Variants in EML1 observed in about 807,000 individuals in gnomAD.
EML1 encodes the protein echinoderm microtubule-associated protein-like 1.
Under a neutral mutation model 110.4 loss-of-function variants are expected in EML1, and 27 were observed. The observed-to-expected ratio is 0.24, with a 90% confidence interval of 0.18 to 0.34. The LOEUF (loss-of-function observed/expected upper bound fraction) is 0.34. Among genes scored for constraint, EML1 ranks in the 10% least tolerant of loss-of-function variants. The probability of loss-of-function intolerance (pLI) is 1.00; values close to 1 mark genes in which losing one functional copy is unlikely to be tolerated. For missense variants in EML1, 741 were observed against 1,030.9 expected (o/e 0.72, Z 3.85); for synonymous variants, 344 against 385.8 (o/e 0.89, Z 1.27).
chr14:99,928,834 A>G (rs1481385742), intron 17 of EML1, among the ~76,000 whole-genome samples: 3 of 152,202 alleles, frequency 2.0e-5, no homozygotes, highest in Admixed American at 6.5e-5. Context: ...ACAACTGCTC[A>G]GCCCCCTTGG....
chr14:99,935,915 A>G, intron 17 of EML1, 114 bp from the exon 18 acceptor site: 1 of 968,656 alleles, frequency 1.0e-6, no homozygotes. Flanking sequence ...CTTGGAAATA[A>G]TTCATTAATC....
intron 1 of EML1, chr14:99,737,987 C>G (rs1159675059): frequency 9.8e-7 from 1 of 1,017,328 alleles, no homozygotes; most frequent in African/African-American, 1.7e-5. Context: ...CCTCCTTGCC[C>G]GACGCCTGGG....
intron 1 of EML1, among the ~76,000 whole-genome samples, chr14:99,741,954 G>A (rs1428435059): frequency 2.6e-5 from 4 of 152,134 alleles, no homozygotes; most frequent in African/African-American, 7.2e-5. Flanking sequence ...TAGGAGTCCC[G>A]AGCTGTTGGA....
At chr14:99,841,137 G>A (rs1339193733) in intron 1 of EML1, among the ~76,000 whole-genome samples, 1 of 152,210 alleles carries the variant, frequency 6.6e-6, no homozygotes, top group Non-Finnish European at 1.5e-5. Context: ...GTGCTGCCAA[G>A]TGGGAGGGCT....
At chr14:99,855,207 A>G (rs1330968313) in intron 2 of EML1, among the ~76,000 whole-genome samples, 1 of 152,256 alleles carries the variant, frequency 6.6e-6, no homozygotes, top group African/African-American at 2.4e-5. Flanking sequence ...TTATGCAAAG[A>G]AGACTGGAAT....
At position 99,936,464 on chromosome 14, in the gene EML1, T is replaced by C; in HGVS notation, c.2095+130T>C. On this transcript the variant is annotated intron_variant, in intron 19 of 21. Transcript: ENST00000262233. The surrounding 1 kb of genome is among the most constrained non-coding windows in gnomAD (Gnocchi z 5.5). ...GTGCCATCATCTCTAGGTCATGGTT[T>C]CCGCCTCTGTAACGTAGGGGAGTGG... The C allele has an allele frequency of 1.2e-6, 1 of 825,038 alleles. No individual in the cohort carries two copies. Among genetic ancestry groups the C allele is most frequent in the Non-Finnish European group, 1.9e-6 (1 of 517,048 alleles). 51.1% of individuals were successfully genotyped at this position (825,038 alleles called of 1,614,324 possible).
intron 1 of EML1, among the ~76,000 whole-genome samples, chr14:99,802,353 G>T (rs2057896738): frequency 6.6e-6 from 1 of 151,966 alleles, no homozygotes; most frequent in Non-Finnish European, 1.5e-5. Context: ...GGAGCGACTT[G>T]TTCACATTTT....
intron 17 of EML1, among the ~76,000 whole-genome samples, chr14:99,922,718 T>C (rs995366070): frequency 6.6e-6 from 1 of 152,198 alleles, no homozygotes; most frequent in African/African-American, 2.4e-5. Flanking sequence ...GTGGTTTTAA[T>C]TGGTGTTTCC....
chr14:99,919,947 G>T (rs796971210), intron 16 of EML1, among the ~76,000 whole-genome samples: 11 of 152,122 alleles, frequency 7.2e-5, no homozygotes, highest in Non-Finnish European at 1.5e-4. Flanking sequence ...CCTCAGGCAG[G>T]TTAGAAACTG....
At chr14:99,780,658 T>C (rs1290047126) in intron 1 of EML1, among the ~76,000 whole-genome samples, 1 of 152,210 alleles carries the variant, frequency 6.6e-6, no homozygotes, top group Non-Finnish European at 1.5e-5. Context: ...GGGTCAGGGA[T>C]GGACTGCACG....
chr14:99,852,027 G>A (rs1208069861), intron 2 of EML1, among the ~76,000 whole-genome samples: 2 of 152,140 alleles, frequency 1.3e-5, no homozygotes, highest in Non-Finnish European at 2.9e-5. Flanking sequence ...TGTCCCTGTG[G>A]CTCTTGGGAA....
At position 99,859,956 on chromosome 14, in the gene EML1, G is replaced by A. The variant is rs185011392; in HGVS notation, c.251-5558G>A. 2.2e-4 allele frequency among the ~76,000 whole-genome samples: 34 copies of A among 152,222 alleles called. No individual in the cohort carries two copies. In the South Asian group the frequency reaches 5.8e-3, roughly 26 times the overall value. ...TGCCGGGCACTGTACTAGAAACTTC[G>A]CATTGCTCATTCCTAGTCCTCACAG... On this transcript the variant is annotated intron_variant, in intron 2 of 21. Coordinates refer to ENST00000262233, the MANE Select transcript of EML1 (RefSeq NM_004434.3).
intron 3 of EML1, chr14:99,874,800 C>G: frequency 1.5e-6 from 1 of 651,366 alleles, no homozygotes; most frequent in South Asian, 2.7e-5. Flanking sequence ...TCTATATTTG[C>G]GAACCAAAAT....
At chr14:99,740,575 C>T (rs532691300) in intron 1 of EML1, among the ~76,000 whole-genome samples, 2 of 152,180 alleles carry the variant, frequency 1.3e-5, no homozygotes, top group South Asian at 2.1e-4. Flanking sequence ...GTGGGTGAGC[C>T]GGAGCTAAGG....
chr14:99,796,794 G>T (rs936923313), intron 1 of EML1, among the ~76,000 whole-genome samples: 13 of 152,064 alleles, frequency 8.5e-5, no homozygotes, highest in African/African-American at 3.1e-4. Flanking sequence ...GAAGTAGGTG[G>T]TGTTACCATC....
At chr14:99,740,648 C>T (rs2057031172) in intron 1 of EML1, among the ~76,000 whole-genome samples, 1 of 152,180 alleles carries the variant, frequency 6.6e-6, no homozygotes, top group Admixed American at 6.5e-5. Context: ...CCGGCCCACA[C>T]ACCACGGCCA....
At chr14:99,820,496 G>T (rs912574198) in intron 1 of EML1, among the ~76,000 whole-genome samples, 2 of 152,126 alleles carry the variant, frequency 1.3e-5, no homozygotes, top group African/African-American at 4.8e-5. Flanking sequence ...TCTCACCCTG[G>T]TTTCTGCATC....
intron 4 of EML1, among the ~76,000 whole-genome samples, chr14:99,879,549 A>G (rs756011338): frequency 6.6e-6 from 1 of 152,248 alleles, no homozygotes; most frequent in African/African-American, 2.4e-5. Context: ...ATTCAGTCCT[A>G]TAAAGGAAGC....
chr14:99,862,606 G>A (rs1446351898), intron 2 of EML1, among the ~76,000 whole-genome samples: 3 of 152,154 alleles, frequency 2.0e-5, no homozygotes, highest in Admixed American at 6.5e-5. Flanking sequence ...CGAATACTAT[G>A]TTATTTGTTT....
Sources: gnomAD v4.1 joint callset for allele counts (sites outside exome capture counted in the v4.1 genomes callset) on GRCh38, gnomAD v4.1.1 for gene constraint, Gnocchi (gnomAD v3.1) non-coding constraint, MANE v1.5 for transcripts, NCBI Gene and HGNC (gene_info 2026-07-23, HGNC 2026-07-21) for gene names.